PLCB4: variants seen among roughly 807,000 people sequenced by gnomAD.
PLCB4 encodes phospholipase C beta 4, also known as 1-phosphatidylinositol 4,5-bisphosphate phosphodiesterase beta-4.
Under a neutral mutation model 178.8 loss-of-function variants are expected in PLCB4, and 77 were observed. That is an observed-to-expected ratio of 0.43 (90% CI 0.36 to 0.52). The LOEUF is 0.52. Ranked by LOEUF, PLCB4 falls within the 20% of genes least tolerant of loss-of-function variation. The pLI, the probability that PLCB4 is intolerant of heterozygous loss-of-function variation, is 0.00. For missense variants in PLCB4, 1,024 were observed against 1,453.4 expected, an observed-to-expected ratio of 0.70 and a Z score of 4.80; for synonymous variants, 496 against 490.8, an observed-to-expected ratio of 1.01 and a Z score of -0.14.
chr20:9,346,537 T>A (rs1419475572), intron 7 of PLCB4, among the ~76,000 whole-genome samples: 2 of 152,178 alleles, frequency 1.3e-5, no homozygotes, highest in Non-Finnish European at 2.9e-5. Flanking sequence ...GGCTCAAATG[T>A]GGGATGAGTG....
rs145388153 is a variant in PLCB4, at chr20:9,309,754, A to C, written c.84+1856A>C. The stretch of plus-strand genomic sequence containing the variant: ...GCTATTGGAGAAAAAAGTACTTGAC[A>C]ACAGTGAAATGTGATTTGATGAACC... On this transcript the variant is annotated intron_variant, in intron 4 of 39. Transcript: ENST00000378473. 6.1e-3 allele frequency among the ~76,000 whole-genome samples: 927 copies of C among 152,330 alleles called. 6 individuals carry two copies. Among genetic ancestry groups the C allele is most frequent in the African/African-American group, 0.021 (853 of 41,578 alleles).
At chr20:9,174,310 T>A (rs980248073) in intron 2 of PLCB4, among the ~76,000 whole-genome samples, 21 of 151,918 alleles carry the variant, frequency 1.4e-4, no homozygotes, top group African/African-American at 4.6e-4. Flanking sequence ...CTAATTTTTT[T>A]TTTATTTTTT....
intron 17 of PLCB4, among the ~76,000 whole-genome samples, chr20:9,391,450 T>A (rs1369898270): frequency 2.6e-5 from 4 of 152,080 alleles, no homozygotes; most frequent in Non-Finnish European, 4.4e-5. Flanking sequence ...CCTGGTAGCA[T>A]GAGGTAGTGG....
intron 2 of PLCB4, among the ~76,000 whole-genome samples, chr20:9,172,756 C>T (rs1366175149): frequency 2.4e-4 from 37 of 152,212 alleles, no homozygotes; most frequent in Admixed American, 2.3e-3. Context: ...TGTCAACTCG[C>T]CCTAAGAACA....
At chr20:9,370,911 A>C (rs1404818986) in intron 9 of PLCB4, 1 of 204,854 alleles carries the variant, frequency 4.9e-6, no homozygotes, top group Non-Finnish European at 9.9e-6. Context: ...TCTGTCTCAA[A>C]AAATAAAAAA....
At chr20:9,255,735 C>T (rs1464663666) in intron 3 of PLCB4, among the ~76,000 whole-genome samples, 1 of 152,074 alleles carries the variant, frequency 6.6e-6, no homozygotes, top group Non-Finnish European at 1.5e-5. Context: ...ACCATACCAT[C>T]TCTGTTGCAG....
intron 32 of PLCB4, among the ~76,000 whole-genome samples, chr20:9,445,440 G>A (rs537219227): frequency 9.8e-4 from 149 of 152,212 alleles, no homozygotes; most frequent in African/African-American, 3.5e-3. Flanking sequence ...ATCATTCCAC[G>A]TATTGAGATG....
intron 15 of PLCB4, among the ~76,000 whole-genome samples, chr20:9,387,981 G>A (rs112201661): frequency 0.023 from 3,479 of 151,878 alleles, 50 homozygotes; most frequent in Middle Eastern, 0.041. Context: ...GCTCACGCCT[G>A]TAATCCCAGC....
chr20:9,173,425 C>G (rs987922656), intron 2 of PLCB4, among the ~76,000 whole-genome samples: 40 of 152,172 alleles, frequency 2.6e-4, no homozygotes, highest in African/African-American at 9.7e-4. Flanking sequence ...CCCAGCATCC[C>G]AAGACATCTG....
chr20:9,452,925 T>C (rs1416716468), intron 32 of PLCB4, among the ~76,000 whole-genome samples: 1 of 152,194 alleles, frequency 6.6e-6, no homozygotes, highest in Non-Finnish European at 1.5e-5. Context: ...ATTTAGCATA[T>C]ACAAGAGAAG....
intron 32 of PLCB4, among the ~76,000 whole-genome samples, chr20:9,447,430 C>T (rs1456553666): frequency 1.3e-5 from 2 of 152,184 alleles, no homozygotes; most frequent in African/African-American, 4.8e-5. Context: ...TGTCTTCCAG[C>T]AGGCTAGTCC....
At chr20:9,285,126 GT>G (rs11380684) in intron 3 of PLCB4, among the ~76,000 whole-genome samples, 8,775 of 146,812 alleles carry the variant, frequency 0.06, 320 homozygotes, top group African/African-American at 0.087. Context: ...TGCTAGGAAT[GT>G]TTTTTTTTTT....
At chr20:9,289,664 G>C (rs1316364765) in intron 3 of PLCB4, among the ~76,000 whole-genome samples, 1 of 151,976 alleles carries the variant, frequency 6.6e-6, no homozygotes, top group Non-Finnish European at 1.5e-5. Context: ...TTGGTTGGAG[G>C]CCATATCTTT....
chr20:9,089,422 T>C (rs1228885817), intron 1 of PLCB4, among the ~76,000 whole-genome samples: 1 of 152,078 alleles, frequency 6.6e-6, no homozygotes, highest in Non-Finnish European at 1.5e-5. Context: ...AAGGCAAAAC[T>C]ACCTTTAATC....
At chr20:9,195,265 C>T (rs755041189) in intron 2 of PLCB4, among the ~76,000 whole-genome samples, 43 of 152,184 alleles carry the variant, frequency 2.8e-4, no homozygotes, top group Non-Finnish European at 1.2e-4. Flanking sequence ...AATGTAGATT[C>T]TGCACGTCCA....
chr20:9,080,840 G>A (rs1397969217), intron 1 of PLCB4, among the ~76,000 whole-genome samples: 1 of 152,162 alleles, frequency 6.6e-6, no homozygotes, highest in Non-Finnish European at 1.5e-5. Flanking sequence ...AAATCAAAGT[G>A]TACAAAACAG....
intron 2 of PLCB4, among the ~76,000 whole-genome samples, chr20:9,140,644 C>T (rs766123949): frequency 3.3e-5 from 5 of 151,962 alleles, no homozygotes; most frequent in East Asian, 3.9e-4. Flanking sequence ...TATTAATTCA[C>T]GTGAGAGCTG....
At chr20:9,141,319 G>T (rs2092485808) in intron 2 of PLCB4, among the ~76,000 whole-genome samples, 1 of 152,148 alleles carries the variant, frequency 6.6e-6, no homozygotes, top group Non-Finnish European at 1.5e-5. Flanking sequence ...TATGACGGAT[G>T]CACCTCTGAG....
In PLCB4 at chr20:9,444,164, T is replaced by A. The variant is rs1195769277; in HGVS notation, c.2815-14T>A. The A allele has an allele frequency of 6.3e-7, 1 of 1,576,448 alleles. No homozygotes were observed. Among genetic ancestry groups the A allele is most frequent in the Non-Finnish European group, 8.7e-7 (1 of 1,155,286 alleles). On this transcript the variant is annotated splice_polypyrimidine_tract_variant and intron_variant, in intron 31 of 39. Transcript: ENST00000378473. Reference sequence around the variant, plus strand: ...AACAAAAAACCTATTTTTGATTCTATTTTTCTCCCAAAGGCTTACTTGAAG... The same window carrying A: ...AACAAAAAACCTATTTTTGATTCTAATTTTCTCCCAAAGGCTTACTTGAAG...
Sources: gnomAD v4.1 joint callset for allele counts (sites outside exome capture counted in the v4.1 genomes callset) on GRCh38, gnomAD v4.1.1 for gene constraint, MANE v1.5 for transcripts, NCBI Gene and HGNC (gene_info 2026-07-23, HGNC 2026-07-21) for gene names.